Variants in BTBD7 observed in about 807,000 individuals in gnomAD.
BTBD7 encodes BTB domain containing 7, also known as BTB/POZ domain-containing protein 7.
BTBD7 carries 38 observed loss-of-function variants against 99.9 expected under a neutral mutation model. The ratio of observed to expected loss-of-function variants is 0.38; its 90% CI spans 0.29 to 0.50. The LOEUF is 0.50. Among genes scored for constraint, BTBD7 ranks in the 20% least tolerant of loss-of-function variants. The pLI, the probability that BTBD7 is intolerant of heterozygous loss-of-function variation, is 0.93. For missense variants in BTBD7, 1,170 were observed against 1,394.6 expected (o/e 0.84, Z 2.57); for synonymous variants, 520 against 511.4 (o/e 1.02, Z -0.23).
At chr14:93,283,376 C>T (rs573729373) in intron 3 of BTBD7, among the ~76,000 whole-genome samples, 1 of 152,150 alleles carries the variant, frequency 6.6e-6, no homozygotes, top group Non-Finnish European at 1.5e-5. Flanking sequence ...CCATCCCCAG[C>T]CAAATTCTGC....
intron 3 of BTBD7, among the ~76,000 whole-genome samples, chr14:93,271,473 TG>T (rs2052600262): frequency 6.6e-6 from 1 of 152,170 alleles, no homozygotes; most frequent in African/African-American, 2.4e-5. Context: ...GCCTTAGACT[TG>T]GCATGGTGAT....
chr14:93,327,463 G>A (rs778641092), intron 1 of BTBD7, among the ~76,000 whole-genome samples: 13 of 152,180 alleles, frequency 8.5e-5, no homozygotes, highest in Non-Finnish European at 1.8e-4. Context: ...GTACAAAGAT[G>A]ATGCCTAAAA....
intron 1 of BTBD7, among the ~76,000 whole-genome samples, chr14:93,332,145 A>G (rs1482485468): frequency 6.6e-6 from 1 of 152,204 alleles, no homozygotes; most frequent in African/African-American, 2.4e-5. Context: ...GGGTAAAGCT[A>G]GCAAACACTG....
chr14:93,331,512 T>C (rs979381236), intron 1 of BTBD7, among the ~76,000 whole-genome samples: 1 of 152,238 alleles, frequency 6.6e-6, no homozygotes, highest in African/African-American at 2.4e-5. Flanking sequence ...TTCAAGTCTT[T>C]CTTCCACATT....
At chr14:93,263,702 C>G in intron 4 of BTBD7, 83 bp downstream of exon 4, 2 of 1,318,882 alleles carry the variant, frequency 1.5e-6, no homozygotes, top group African/African-American at 2.9e-5. Flanking sequence ...CTGCCCTACC[C>G]TAGATGGAAG....
intron 3 of BTBD7, among the ~76,000 whole-genome samples, chr14:93,293,420 TC>T (rs2052882217): frequency 6.6e-6 from 1 of 152,228 alleles, no homozygotes; most frequent in Non-Finnish European, 1.5e-5. Context: ...TCAACTAAAT[TC>T]GTATCTAAAT....
intron 1 of BTBD7, among the ~76,000 whole-genome samples, chr14:93,310,300 G>A (rs1294540321): frequency 6.6e-6 from 1 of 152,186 alleles, no homozygotes; most frequent in Non-Finnish European, 1.5e-5. Context: ...CCTGGGCAGT[G>A]TTAACATTTC....
intron 3 of BTBD7, among the ~76,000 whole-genome samples, chr14:93,273,233 CACCAATCATGGTG>C (rs901110803): frequency 6.6e-6 from 1 of 152,154 alleles, no homozygotes; most frequent in Admixed American, 6.5e-5. Flanking sequence ...AGTATCAGAT[CACCAATCATGGTG>C]GCACTTGAAT....
chr14:93,316,997 G>T (rs1159965879), intron 1 of BTBD7, among the ~76,000 whole-genome samples: 1 of 152,184 alleles, frequency 6.6e-6, no homozygotes, highest in African/African-American at 2.4e-5. Flanking sequence ...TAAGAAATCT[G>T]TTTAACTTTG....
intron 3 of BTBD7, among the ~76,000 whole-genome samples, chr14:93,291,155 T>TA (rs902532236): frequency 4.0e-4 from 60 of 151,850 alleles, no homozygotes; most frequent in Non-Finnish European, 8.8e-4. Context: ...TTTTTAAACT[T>TA]AAAGTTATTT....
At chr14:93,244,752 C>T (rs747678787) in intron 10 of BTBD7, among the ~76,000 whole-genome samples, 8 of 151,980 alleles carry the variant, frequency 5.3e-5, no homozygotes, top group Non-Finnish European at 8.8e-5. Flanking sequence ...TTCCAATAAG[C>T]CATATTTTAA....
intron 1 of BTBD7, among the ~76,000 whole-genome samples, chr14:93,308,792 G>A (rs2053102371): frequency 6.6e-6 from 1 of 152,190 alleles, no homozygotes; most frequent in South Asian, 2.1e-4. Context: ...AGTACTTAGA[G>A]TAATCAAATT....
At chr14:93,255,248 C>A (rs2139691802) in intron 6 of BTBD7, among the ~76,000 whole-genome samples, 1 of 152,240 alleles carries the variant, frequency 6.6e-6, no homozygotes, top group East Asian at 1.9e-4. Context: ...TGGGTTCAAG[C>A]AATTCTCCCA....
chr14:93,245,252 C>T (rs1566833002), intron 10 of BTBD7, among the ~76,000 whole-genome samples: 1 of 152,164 alleles, frequency 6.6e-6, no homozygotes. Flanking sequence ...AATTTACTAC[C>T]TACTAGCCCT....
At chr14:93,253,106 C>T (rs1595288676) in intron 7 of BTBD7, among the ~76,000 whole-genome samples, 1 of 152,112 alleles carries the variant, frequency 6.6e-6, no homozygotes, top group East Asian at 1.9e-4. Context: ...TTTCACATTA[C>T]CGTATTTTCT....
chr14:93,295,498 G>A (rs936583647), intron 2 of BTBD7, among the ~76,000 whole-genome samples: 8 of 152,132 alleles, frequency 5.3e-5, no homozygotes, highest in Non-Finnish European at 1.0e-4. Flanking sequence ...TTTAGAAAAA[G>A]TCTTTCGTTC....
At chr14:93,279,483 A>C (rs540400058) in intron 3 of BTBD7, among the ~76,000 whole-genome samples, 89 of 152,172 alleles carry the variant, frequency 5.8e-4, no homozygotes, top group Middle Eastern at 3.4e-3. Flanking sequence ...CTCCCCCAGC[A>C]CCCAGTGTTC....
At chr14:93,252,442 AC>A (rs1488622265) in intron 7 of BTBD7, among the ~76,000 whole-genome samples, 1 of 150,914 alleles carries the variant, frequency 6.6e-6, no homozygotes, top group East Asian at 1.9e-4. Flanking sequence ...TGCAGTCTTG[AC>A]CTCCCAGGCT....
chr14:93,321,933 A>G (rs1015758920), intron 1 of BTBD7, among the ~76,000 whole-genome samples: 1 of 152,204 alleles, frequency 6.6e-6, no homozygotes, highest in African/African-American at 2.4e-5. Context: ...ATAATGCTCC[A>G]AACAGCAGTG....
Sources: gnomAD v4.1 joint callset for allele counts (sites outside exome capture counted in the v4.1 genomes callset) on GRCh38, gnomAD v4.1.1 for gene constraint, MANE v1.5 for transcripts, NCBI Gene and HGNC (gene_info 2026-07-23, HGNC 2026-07-21) for gene names.